The following PNPLA6 variants were observed in gnomAD, a reference collection of about 807,000 sequenced individuals.
PNPLA6 encodes patatin-like phospholipase domain-containing protein 6.
Under a neutral mutation model 153.7 loss-of-function variants are expected in PNPLA6, and 105 were observed. That is an observed-to-expected ratio of 0.68 (90% CI 0.58 to 0.80). The LOEUF (loss-of-function observed/expected upper bound fraction) is 0.80. Among genes scored for constraint, PNPLA6 ranks in the 30% least tolerant of loss-of-function variants. The pLI, the probability that PNPLA6 is intolerant of heterozygous loss-of-function variation, is 0.00. For missense variants in PNPLA6, 1,423 were observed against 1,919.3 expected (o/e 0.74, Z 4.83); for synonymous variants, 825 against 822.2 (o/e 1.00, Z -0.06).
At position 7,555,416 on chromosome 19, in the gene PNPLA6, T is replaced by G; in HGVS notation, c.2936+49T>G. 1 of 1,383,434 alleles carries G rather than the reference T, an allele frequency of 7.2e-7. No homozygotes were observed. Among genetic ancestry groups the G allele is most frequent in the Non-Finnish European group, 9.9e-7 (1 of 1,007,626 alleles). 85.7% of individuals were successfully genotyped at this position (1,383,434 alleles called of 1,614,324 possible). A position where few individuals can be genotyped will look rare whatever the true frequency, so the allele number is the denominator to read the frequency against. On this transcript the variant is annotated intron_variant, in intron 23 of 31. Transcript: ENST00000600737. The surrounding 1 kb of genome is among the most constrained non-coding windows in gnomAD (Gnocchi z 6.3). ...GGGGCGGGGCCTGGATGTCCGAGGG[T>G]GGAGCTTCCTGGGAGAAACCGTGGG...
At chr19:7,547,737 A>G (rs984072975) in intron 13 of PNPLA6, among the ~76,000 whole-genome samples, 1 of 151,876 alleles carries the variant, frequency 6.6e-6, no homozygotes. Context: ...ATCTAGGCTC[A>G]AGCAATCCTC....
At position 7,542,018 on chromosome 19, in the gene PNPLA6, C is replaced by A. The variant is rs546470199; in HGVS notation, c.1203C>A (p.Pro401=). The A allele has an allele frequency of 8.9e-5, 143 of 1,608,330 alleles. 2 individuals are homozygous for A. The East Asian group carries it at 1.8e-3, about 20-fold the overall frequency. ...TGAAGCCCACATCCCTGGAAACCCC[C>A]TCGGCCCCTCTGCTGAGCCGCTGCG... The part of the protein sequence containing the change: ...DPVKPTSLET[P]SAPLLSRCVS... Residue 401 remains proline (P), a synonymous_variant, in exon 10 of 32, where the codon CCC becomes CCA. Coordinates refer to ENST00000600737, the MANE Select transcript of PNPLA6 (RefSeq NM_001166114.2).
At chr19:7,549,815 C>A in intron 13 of PNPLA6, 92 bp from the exon 14 acceptor site, 1 of 1,283,642 alleles carries the variant, frequency 7.8e-7, no homozygotes, top group Non-Finnish European at 1.1e-6. Context: ...CCCTTCCTTT[C>A]TTCTTTAATT....
Position 7,555,058 on chromosome 19 carries a change from C to A in PNPLA6, c.2800C>A (p.Arg934Ser). The change falls in exon 22 of 32, where the codon CGC becomes AGC. Residue 934 changes from arginine to serine, a missense_variant. Physicochemically the swap from Arg to Ser is moderately radical, Grantham distance 110. Transcript: ENST00000600737. This position sits in a 1 kb window ranked among gnomAD's most constrained non-coding sequence, Gnocchi z 6.3. The part of the protein sequence containing the change: ...LRCPRRLFSR[R>S]SPAKLHELYE... ...CTGTCCGCGCCGCCTCTTTTCGCGC[C>A]GCAGCCCTGCCAAGCTGGTGAGGAG... is the stretch of plus-strand genomic sequence containing the variant. 1.3e-6 allele frequency: 2 copies of A among 1,592,846 alleles called. No individual in the cohort carries two copies. Among genetic ancestry groups the A allele is most frequent in the Non-Finnish European group, 1.7e-6 (2 of 1,177,992 alleles).
chr19:7,542,170 A>G, intron 10 of PNPLA6, 103 bp downstream of exon 10: 1 of 832,978 alleles, frequency 1.2e-6, no homozygotes, highest in East Asian at 2.6e-5. Context: ...AAATGGGAAC[A>G]CTGCCAGTAC....
At position 7,539,215 on chromosome 19, in the gene PNPLA6, C is replaced by T. The variant is rs143963681; in HGVS notation, c.414-703C>T. 2.2e-3 allele frequency among the ~76,000 whole-genome samples: 338 copies of T among 152,302 alleles called. 2 individuals carry two copies. Among genetic ancestry groups the T allele is most frequent in the Admixed American group, 3.2e-3 (49 of 15,294 alleles). ...GTGGCCAGCCGGGTGCAGTGGCTCA[C>T]GCCTGTAATCCTAGCACTTTGGGAG... On this transcript the variant is annotated intron_variant, in intron 3 of 31. Coordinates refer to ENST00000600737, the MANE Select transcript of PNPLA6 (RefSeq NM_001166114.2).
Position 7,558,959 on chromosome 19 carries a change from G to T in PNPLA6, c.3507G>T (p.Leu1169=), listed in dbSNP as rs1319585761. 4 of 1,614,214 alleles carry T rather than the reference G, an allele frequency of 2.5e-6. No individual in the cohort carries two copies. In the East Asian group the frequency reaches 8.9e-5, roughly 36 times the overall value. Residue 1169 remains leucine, a synonymous_variant, in exon 28 of 32, where the codon CTG becomes CTT. Coordinates refer to ENST00000600737, the MANE Select transcript of PNPLA6 (RefSeq NM_001166114.2). ...GGGACAGCCTGTCCGGCTGGTGGCT[G>T]CTGTGGAAGCGGCTGAATCCCTGGG... The part of the protein sequence containing the change: ...TYGDSLSGWW[L]LWKRLNPWAD...
intron 3 of PNPLA6, among the ~76,000 whole-genome samples, chr19:7,537,683 C>T (rs2022940251): frequency 6.6e-6 from 1 of 152,160 alleles, no homozygotes; most frequent in South Asian, 2.1e-4. Context: ...TGCTCTGTCA[C>T]TAGGCTAGAG....
chr19:7,538,411 G>A (rs2022972746), intron 3 of PNPLA6, among the ~76,000 whole-genome samples: 1 of 151,656 alleles, frequency 6.6e-6, no homozygotes, highest in Non-Finnish European at 1.5e-5. Flanking sequence ...TTGAACTCCT[G>A]GCCTCAAGCA....
At chr19:7,539,824 A>G (rs1003470096) in intron 3 of PNPLA6, 94 bp from the exon 4 acceptor site, 1 of 822,908 alleles carries the variant, frequency 1.2e-6, no homozygotes, top group Non-Finnish European at 2.0e-6. Context: ...TTTGCTGTAC[A>G]TGAGCCCTGG....
At position 7,555,747 on chromosome 19, in the gene PNPLA6, C is replaced by T. The variant is rs1218391370; in HGVS notation, c.3077C>T (p.Ala1026Val). 3.1e-6 allele frequency: 5 copies of T among 1,613,542 alleles called. No individual in the cohort carries two copies. Among genetic ancestry groups the T allele is most frequent in the Non-Finnish European group, 3.4e-6 (4 of 1,179,880 alleles). The part of the protein sequence containing the change: ...ERSASRTKQR[A>V]REWAKSMTSV... ...AGCGCCAGCCGCACGAAGCAGCGGG[C>T]CCGGGAGTGGGCCAAGGTGTGTGTT... Residue 1026 changes from alanine (A) to valine (V), a missense_variant, in exon 24 of 32, where the codon GCC (alanine) becomes GTC (valine). This residue lies in a region of PNPLA6 where 643 missense variants were observed against 835.2 expected (regional missense o/e 0.77). Coordinates refer to ENST00000600737, the MANE Select transcript of PNPLA6 (RefSeq NM_001166114.2). The surrounding 1 kb of genome is among the most constrained non-coding windows in gnomAD (Gnocchi z 6.3).
chr19:7,557,402 A>C (rs2023929940), intron 27 of PNPLA6, 118 bp downstream of exon 27: 5 of 726,686 alleles, frequency 6.9e-6, no homozygotes, highest in Non-Finnish European at 1.2e-5. Context: ...CTGCCCATGC[A>C]GGGGTGCAGA....
chr19:7,539,954 G>A lies in PNPLA6; in HGVS notation c.450G>A (p.Gln150=). Reference sequence around the variant, plus strand: ...TCCAGAAAGAGACGCCCACGCTGCAGCGGAAGGAGCCCCCGCCCGCAGTGC... The same window carrying A: ...TCCAGAAAGAGACGCCCACGCTGCAACGGAAGGAGCCCCCGCCCGCAGTGC... ...LRIQKETPTL[Q]RKEPPPAVLE... is the part of the protein sequence containing the mutation. Residue 150 remains glutamine (Q), a synonymous_variant, in exon 4 of 32, where the codon CAG becomes CAA. Coordinates refer to ENST00000600737, the MANE Select transcript of PNPLA6 (RefSeq NM_001166114.2). The A allele has an allele frequency of 6.4e-7, 1 of 1,568,552 alleles. No individual in the cohort carries two copies. The highest frequency in any genetic ancestry group is 8.6e-7 in the Non-Finnish European group (1 of 1,157,690).
intron 13 of PNPLA6, among the ~76,000 whole-genome samples, chr19:7,548,750 T>G (rs28798370): frequency 0.35 from 51,591 of 149,416 alleles, 10,632 homozygotes; most frequent in South Asian, 0.44. Flanking sequence ...CATATATATA[T>G]AGAGAGAGAG....
rs1444145205 is a variant in PNPLA6 at position 7,540,470 on chromosome 19, T to TA, written c.715-159dup. 2.0e-5 allele frequency among the ~76,000 whole-genome samples: 3 copies of TA among 152,174 alleles called. No homozygotes were observed. Among genetic ancestry groups the TA allele is most frequent in the African/African-American group, 7.2e-5 (3 of 41,436 alleles). On this transcript the variant is annotated intron_variant, in intron 5 of 31. Transcript: ENST00000600737. This position sits in a 1 kb window ranked among gnomAD's most constrained non-coding sequence, Gnocchi z 6.8. Reference sequence around the variant, plus strand: ...GTAGTCTGCGTAGTTGCTCAGTAGTTACAAGTATTGAACGATGGGAGATGC... The same window carrying TA: ...GTAGTCTGCGTAGTTGCTCAGTAGTTAACAAGTATTGAACGATGGGAGATGC...
chr19:7,543,952 T>A (rs1441005662), intron 13 of PNPLA6, among the ~76,000 whole-genome samples: 1 of 151,428 alleles, frequency 6.6e-6, no homozygotes, highest in Admixed American at 6.6e-5. Flanking sequence ...TAGCTGGGAC[T>A]ACAGGCGCCT....
Position 7,561,249 on chromosome 19 carries a change from G to A in PNPLA6, c.3955G>A (p.Gly1319Arg), listed in dbSNP as rs140568070. The change falls in exon 31 of 32, where the codon GGA becomes AGA. Residue 1319 changes from glycine to arginine, a missense_variant. By Grantham distance (125) the Gly-to-Arg change is moderately radical. Around this residue, in one of 10 missense-constraint regions of PNPLA6, gnomAD observed 643 missense variants for 835.2 expected, o/e 0.77. Transcript: ENST00000600737. ...TCTGACAGAGTATGAGGAGGACGCC[G>A]GACCCGACTGCTCGAGGGATGAAGG... ...DCLTEYEEDA[G>R]PDCSRDEGGS... The A allele has an allele frequency of 1.6e-5, 26 of 1,610,630 alleles. No homozygotes were observed. Among genetic ancestry groups the A allele is most frequent in the African/African-American group, 4.0e-5 (3 of 74,898 alleles).
rs766497226 is a variant in PNPLA6 at position 7,550,344 on chromosome 19, G to T, written c.1861G>T (p.Val621Leu). ...PSVVLSAAHTVAARMSPFVRQ... is the reference protein window; with the variant it reads ...PSVVLSAAHTLAARMSPFVRQ... The stretch of plus-strand genomic sequence containing the variant: ...TGTGGTGCTGAGTGCGGCGCACACG[G>T]TGGCAGCCAGGATGTCGCCCTTCGT... Residue 621 changes from valine (V) to leucine (L), a missense_variant, in exon 15 of 32, where the codon GTG (valine) becomes TTG (leucine). By Grantham distance (32) the Val-to-Leu change is conservative. Transcript: ENST00000600737. 6.2e-7 allele frequency: 1 copy of T among 1,612,564 alleles called. No homozygotes were observed. The highest frequency in any genetic ancestry group is 2.2e-5 in the East Asian group (1 of 44,894).
At chr19:7,554,866 G>C in intron 21 of PNPLA6, 27 bp from the exon 22 acceptor site, 1 of 1,572,626 alleles carries the variant, frequency 6.4e-7, no homozygotes, top group Non-Finnish European at 8.6e-7. Context: ...GGGGCGGCTG[G>C]TGACCTCAGC....
Sources: gnomAD v4.1 joint callset for allele counts (sites outside exome capture counted in the v4.1 genomes callset) on GRCh38, gnomAD v4.1.1 for gene constraint, gnomAD v4.1.1 regional missense constraint, Gnocchi (gnomAD v3.1) non-coding constraint, MANE v1.5 for transcripts, NCBI Gene and HGNC (gene_info 2026-07-23, HGNC 2026-07-21) for gene names.